CEP128: variants seen among roughly 807,000 people sequenced by gnomAD.
The protein encoded by CEP128 is centrosomal protein 128, also known as centrosomal protein 128kDa.
CEP128 carries 132 observed loss-of-function variants against 156.7 expected under a neutral mutation model. The ratio of observed to expected loss-of-function variants is 0.84; its 90% CI spans 0.73 to 0.97. The LOEUF is 0.97. Ranked by LOEUF, CEP128 falls within the 50% of genes least tolerant of loss-of-function variation. The pLI, the probability that CEP128 is intolerant of heterozygous loss-of-function variation, is 0.00. For synonymous variants in CEP128, 469 were observed against 448.9 expected (o/e 1.04, Z -0.57); for missense variants, 1,252 against 1,281.9 (o/e 0.98, Z 0.36).
chr14:80,959,323 CTT>C (rs1566737132), intron 1 of CEP128: 1 of 152,108 alleles, frequency 6.6e-6, no homozygotes, highest in African/African-American at 2.4e-5. Flanking sequence ...TTTAAGGAAA[CTT>C]AAATGAAGCA....
chr14:80,818,517 C>G (rs996957754), intron 13 of CEP128, among the ~76,000 whole-genome samples: 3 of 152,222 alleles, frequency 2.0e-5, no homozygotes, highest in African/African-American at 7.2e-5. Context: ...TCCCTGGCCA[C>G]AGATGGCTAG....
At chr14:80,918,684 A>C (rs1884691988) in intron 2 of CEP128, among the ~76,000 whole-genome samples, 1 of 152,210 alleles carries the variant, frequency 6.6e-6, no homozygotes, top group Non-Finnish European at 1.5e-5. Flanking sequence ...AAAAGTGCTA[A>C]AGAGAGCAGG....
intron 24 of CEP128, among the ~76,000 whole-genome samples, chr14:80,502,364 T>C (rs1435484852): frequency 6.6e-6 from 1 of 152,204 alleles, no homozygotes; most frequent in Admixed American, 6.5e-5. Flanking sequence ...TCAGGATGGC[T>C]GCTGTGCAGT....
At chr14:80,656,278 TTTATATATATATTTATATATATATATATA>T (rs1895140048) in intron 19 of CEP128, among the ~76,000 whole-genome samples, 1 of 22,778 alleles carries the variant, frequency 4.4e-5, no homozygotes, top group African/African-American at 2.0e-4. Flanking sequence ...TAAGTTTTTA[TTTATATATATATTTATATATATATATATA>T]TATATATATA....
chr14:80,626,652 C>T (rs914737916), intron 19 of CEP128, among the ~76,000 whole-genome samples: 1 of 151,652 alleles, frequency 6.6e-6, no homozygotes, highest in Admixed American at 6.5e-5. Flanking sequence ...CCCCTCAGAG[C>T]TTTCAGAAGC....
At chr14:80,618,122 C>A (rs1039547997) in intron 19 of CEP128, among the ~76,000 whole-genome samples, 7 of 152,152 alleles carry the variant, frequency 4.6e-5, no homozygotes, top group African/African-American at 1.7e-4. Flanking sequence ...GATAAGTATG[C>A]AACATTCCCA....
intron 23 of CEP128, among the ~76,000 whole-genome samples, chr14:80,510,650 G>C (rs1461515862): frequency 1.3e-5 from 2 of 152,080 alleles, no homozygotes; most frequent in African/African-American, 4.8e-5. Flanking sequence ...AATAGCTAGT[G>C]AAAGTGGGCA....
At chr14:80,628,332 A>G (rs79048001) in intron 19 of CEP128, among the ~76,000 whole-genome samples, 1,786 of 152,276 alleles carry the variant, frequency 0.012, 34 homozygotes, top group African/African-American at 0.041. Context: ...ACACTACTGT[A>G]CATTTTATTA....
In CEP128 at chr14:80,770,150, T is replaced by C. The variant is rs556297764; in HGVS notation, c.2376+7732A>G. Among the ~76,000 whole-genome samples the C allele has an allele frequency of 1.5e-4, 23 of 152,362 alleles. No homozygotes were observed. The South Asian group carries it at 3.5e-3, about 23-fold the overall frequency. On this transcript the variant is annotated intron_variant, in intron 16 of 24. Coordinates refer to ENST00000555265, the MANE Select transcript of CEP128 (RefSeq NM_152446.5). Reference sequence around the variant, plus strand: ...ATCCCTCAGTGAGTTAAGGATTTAATAGCAGGCCTCTCAATCAAGTCCAAG... The same window carrying C: ...ATCCCTCAGTGAGTTAAGGATTTAACAGCAGGCCTCTCAATCAAGTCCAAG...
At chr14:80,875,785 G>T (rs1888252224) in intron 8 of CEP128, among the ~76,000 whole-genome samples, 1 of 152,012 alleles carries the variant, frequency 6.6e-6, no homozygotes, top group Admixed American at 6.5e-5. Flanking sequence ...TCGCCCTAAA[G>T]GGAATTTTAA....
chr14:80,665,327 T>C (rs1050600174), intron 19 of CEP128, among the ~76,000 whole-genome samples: 1 of 147,672 alleles, frequency 6.8e-6, no homozygotes, highest in Non-Finnish European at 1.5e-5. Context: ...CAAAATCTAA[T>C]TAATTGGTGA....
At chr14:80,954,682 G>T (rs1486560599) in intron 2 of CEP128, among the ~76,000 whole-genome samples, 3 of 152,184 alleles carry the variant, frequency 2.0e-5, no homozygotes, top group Non-Finnish European at 4.4e-5. Context: ...ATCCCAAGAG[G>T]AATAAGTGAT....
At chr14:80,617,166 A>G (rs2140627818) in intron 19 of CEP128, among the ~76,000 whole-genome samples, 1 of 148,690 alleles carries the variant, frequency 6.7e-6, no homozygotes, top group Non-Finnish European at 1.5e-5. Flanking sequence ...CTTGGGCTCA[A>G]GTTCTACTCT....
At chr14:80,568,801 A>G (rs1891023100) in intron 20 of CEP128, among the ~76,000 whole-genome samples, 1 of 152,008 alleles carries the variant, frequency 6.6e-6, no homozygotes, top group Admixed American at 6.6e-5. Flanking sequence ...AAGAACAACG[A>G]GGGGAAAAAA....
At chr14:80,710,802 C>G (rs1025502496) in intron 19 of CEP128, among the ~76,000 whole-genome samples, 1 of 152,074 alleles carries the variant, frequency 6.6e-6, no homozygotes, top group Admixed American at 6.6e-5. Flanking sequence ...ATAACAAGAA[C>G]TGACAATGCA....
At chr14:80,952,540 A>G (rs1228267299) in intron 2 of CEP128, among the ~76,000 whole-genome samples, 2 of 152,134 alleles carry the variant, frequency 1.3e-5, no homozygotes, top group South Asian at 2.1e-4. Flanking sequence ...CACATACAAT[A>G]TTATAAAAGA....
chr14:80,671,159 A>G (rs1328635379), intron 19 of CEP128, among the ~76,000 whole-genome samples: 2 of 152,174 alleles, frequency 1.3e-5, no homozygotes, highest in Non-Finnish European at 2.9e-5. Context: ...TGCTATAGAT[A>G]AGGACCTTCA....
intron 19 of CEP128, among the ~76,000 whole-genome samples, chr14:80,645,087 C>CAAGTTGA (rs1894579790): frequency 6.6e-6 from 1 of 152,038 alleles, no homozygotes; most frequent in African/African-American, 2.4e-5. Flanking sequence ...TTTTCATCAA[C>CAAGTTGA]AAGTTGAAAG....
chr14:80,809,646 C>A (rs1340256600), intron 13 of CEP128, among the ~76,000 whole-genome samples: 1 of 152,012 alleles, frequency 6.6e-6, no homozygotes, highest in Non-Finnish European at 1.5e-5. Flanking sequence ...ATAAATGAGC[C>A]CACATCAGAC....
Sources: gnomAD v4.1 joint callset for allele counts (sites outside exome capture counted in the v4.1 genomes callset) on GRCh38, gnomAD v4.1.1 for gene constraint, MANE v1.5 for transcripts, NCBI Gene and HGNC (gene_info 2026-07-23, HGNC 2026-07-21) for gene names.